ZNF609: variants seen among roughly 807,000 people sequenced by gnomAD.
ZNF609 encodes the protein zinc finger protein 609.
ZNF609 carries 11 observed loss-of-function variants against 109.5 expected under a neutral mutation model. The observed-to-expected ratio is 0.10, with a 90% CI of 0.06 to 0.17. ZNF609 has a LOEUF of 0.17. Ranked by LOEUF, ZNF609 falls within the 10% of genes least tolerant of loss-of-function variation. The pLI, the probability that ZNF609 is intolerant of heterozygous loss-of-function variation, is 1.00. For missense variants in ZNF609, 1,559 were observed against 1,772.4 expected (o/e 0.88, Z 2.16); for synonymous variants, 646 against 662.0 (o/e 0.98, Z 0.37).
intron 2 of ZNF609, among the ~76,000 whole-genome samples, chr15:64,589,673 T>C (rs925911505): frequency 2.6e-5 from 4 of 152,214 alleles, no homozygotes; most frequent in African/African-American, 9.6e-5. Context: ...AGTATTTCTT[T>C]CCTTATCTCA....
Position 64,499,782 on chromosome 15 carries a change from G to T in ZNF609, c.363G>T (p.Val121=), listed in dbSNP as rs1449747161. 6.2e-7 allele frequency: 1 copy of T among 1,613,980 alleles called. No homozygotes were observed. The highest frequency in any genetic ancestry group is 8.5e-7 in the Non-Finnish European group (1 of 1,180,018). The part of the protein sequence containing the change: ...PSEGAASKKE[V]QGRSGDGANA... ...AGGGGGCAGCTAGCAAGAAAGAGGT[G>T]CAGGGGCGCTCAGGAGATGGTGCCA... The change falls in exon 2 of 10, where the codon GTG becomes GTT. Residue 121 remains valine, a synonymous_variant. Coordinates refer to ENST00000326648, the MANE Select transcript of ZNF609 (RefSeq NM_015042.2).
At chr15:64,657,083 ACC>A (rs1233868097) in intron 3 of ZNF609, among the ~76,000 whole-genome samples, 1 of 151,078 alleles carries the variant, frequency 6.6e-6, no homozygotes, top group African/African-American at 2.4e-5. Context: ...ACATGGCGAA[ACC>A]CGTCTCTACT....
At chr15:64,550,324 ATTGTTGTTGTTG>A (rs35706760) in intron 2 of ZNF609, among the ~76,000 whole-genome samples, 3 of 150,848 alleles carry the variant, frequency 2.0e-5, no homozygotes, top group African/African-American at 4.9e-5. Flanking sequence ...TGTTGTTGTT[ATTGTTGTTGTTG>A]TTGTTGTTGT....
chr15:64,509,563 C>A (rs1348952593), intron 2 of ZNF609, among the ~76,000 whole-genome samples: 1 of 152,166 alleles, frequency 6.6e-6, no homozygotes, highest in Admixed American at 6.6e-5. Context: ...TATTCCAGCT[C>A]CTACTGATTT....
chr15:64,558,933 C>T (rs500641), intron 2 of ZNF609, among the ~76,000 whole-genome samples: 112,607 of 151,528 alleles, frequency 0.74, 45,337 homozygotes, highest in East Asian at 0.96. Flanking sequence ...GCAGGCCTTT[C>T]ATCTGGACCT....
intron 2 of ZNF609, among the ~76,000 whole-genome samples, chr15:64,508,870 T>TG (rs1893676484): frequency 5.9e-5 from 1 of 17,006 alleles, no homozygotes; most frequent in African/African-American, 6.9e-5. Flanking sequence ...AATTTTTAAA[T>TG]TTTTTTAGAG....
At chr15:64,508,494 G>A (rs943847467) in intron 2 of ZNF609, among the ~76,000 whole-genome samples, 1 of 152,092 alleles carries the variant, frequency 6.6e-6, no homozygotes, top group African/African-American at 2.4e-5. Context: ...TGTCTGTCTT[G>A]TTGAAAGTAC....
rs1010028732 is a variant in ZNF609 at position 64,480,200 on chromosome 15, C to A, written c.-127-19093C>A. Among the ~76,000 whole-genome samples the A allele has an allele frequency of 3.3e-5, 5 of 151,868 alleles. No individual in the cohort carries two copies. The East Asian group carries it at 9.7e-4, about 29-fold the overall frequency. On this transcript the variant is annotated intron_variant, in intron 1 of 9. Coordinates refer to ENST00000326648, the MANE Select transcript of ZNF609 (RefSeq NM_015042.2). ...GTTGCAGTGAGCCGATATCGTGCCACTGCACTCCAGCCTGGGCAACAGAGC... is the reference window on the plus strand; with the variant it reads ...GTTGCAGTGAGCCGATATCGTGCCAATGCACTCCAGCCTGGGCAACAGAGC...
intron 1 of ZNF609, among the ~76,000 whole-genome samples, chr15:64,486,156 A>G (rs1280629965): frequency 2.6e-5 from 4 of 152,202 alleles, no homozygotes; most frequent in Admixed American, 6.5e-5. Flanking sequence ...TTGGTACATT[A>G]TATAATAACC....
intron 1 of ZNF609, among the ~76,000 whole-genome samples, chr15:64,492,384 T>A (rs1893425587): frequency 6.6e-6 from 1 of 152,194 alleles, no homozygotes; most frequent in South Asian, 2.1e-4. Flanking sequence ...AACCTGTAAT[T>A]TAATTTGTAA....
At chr15:64,657,096 A>G (rs150409590) in intron 3 of ZNF609, among the ~76,000 whole-genome samples, 7 of 151,618 alleles carry the variant, frequency 4.6e-5, no homozygotes, top group East Asian at 2.0e-4. Flanking sequence ...CGTCTCTACT[A>G]AAAATACAAA....
At chr15:64,568,614 A>G (rs1894814727) in intron 2 of ZNF609, among the ~76,000 whole-genome samples, 1 of 152,226 alleles carries the variant, frequency 6.6e-6, no homozygotes, top group Admixed American at 6.5e-5. Context: ...TGTAGGTCCT[A>G]TTAATCTTCA....
intron 2 of ZNF609, among the ~76,000 whole-genome samples, chr15:64,551,330 T>A (rs184211931): frequency 5.8e-4 from 89 of 152,308 alleles, no homozygotes; most frequent in Non-Finnish European, 1.1e-3. Context: ...ACTTATACCT[T>A]AATTCAAAGA....
chr15:64,537,388 CTACTCGG>C (rs1296622816), intron 2 of ZNF609, among the ~76,000 whole-genome samples: 1 of 151,596 alleles, frequency 6.6e-6, no homozygotes, highest in Admixed American at 6.6e-5. Context: ...GTAATCCCAG[CTACTCGG>C]GAGGCTGAGC....
At chr15:64,534,890 G>C (rs757347895) in intron 2 of ZNF609, among the ~76,000 whole-genome samples, 9 of 151,812 alleles carry the variant, frequency 5.9e-5, no homozygotes, top group African/African-American at 2.2e-4. Flanking sequence ...AAAATTAGAC[G>C]GGCATGGTGG....
chr15:64,597,938 A>G (rs1046857907), intron 2 of ZNF609, among the ~76,000 whole-genome samples: 4 of 152,212 alleles, frequency 2.6e-5, no homozygotes, highest in Admixed American at 2.0e-4. Context: ...TTCACTATGT[A>G]TATAAATATT....
At chr15:64,565,879 C>T (rs1723432728) in intron 2 of ZNF609, among the ~76,000 whole-genome samples, 1 of 151,984 alleles carries the variant, frequency 6.6e-6, no homozygotes, top group African/African-American at 2.4e-5. Context: ...GATAGAGTCT[C>T]GTTCTGTCAC....
chr15:64,681,661 G>T, intron 9 of ZNF609, 31 bp from the exon 10 acceptor site: 3 of 349,278 alleles, frequency 8.6e-6, no homozygotes, highest in South Asian at 1.5e-4. Context: ...CAGGCTGAGT[G>T]CCTGGTTATC....
chr15:64,625,474 C>T lies in ZNF609; in HGVS notation c.973+2422C>T, dbSNP rs138156440. Reference sequence around the variant, plus strand: ...GGTGGAGGTTGCAGTGAGCCGAGATCGCACCATTGCACTCTGGCCCAGGCA... The same window carrying T: ...GGTGGAGGTTGCAGTGAGCCGAGATTGCACCATTGCACTCTGGCCCAGGCA... On this transcript the variant is annotated intron_variant, in intron 3 of 9. Coordinates refer to ENST00000326648, the MANE Select transcript of ZNF609 (RefSeq NM_015042.2). Among the ~76,000 whole-genome samples the T allele has an allele frequency of 9.4e-3, 1,421 of 151,686 alleles. 25 individuals are homozygous for T. Among genetic ancestry groups the T allele is most frequent in the African/African-American group, 0.033 (1,347 of 41,306 alleles).
Sources: allele counts gnomAD v4.1 joint callset (sites outside exome capture counted in the v4.1 genomes callset), GRCh38; gene constraint gnomAD v4.1.1; transcripts MANE v1.5; gene names NCBI Gene and HGNC (gene_info 2026-07-23, HGNC 2026-07-21).